CRHR1: variants seen among roughly 807,000 people sequenced by gnomAD.
CRHR1 encodes corticotropin releasing hormone receptor 1.
Under a neutral mutation model 56.0 loss-of-function variants are expected in CRHR1, and 28 were observed. That is an observed-to-expected ratio of 0.50 (90% CI 0.37 to 0.69). CRHR1 has a LOEUF of 0.69. Among genes scored for constraint, CRHR1 ranks in the 30% least tolerant of loss-of-function variants. The pLI is 0.00. For missense variants in CRHR1, 376 were observed against 548.0 expected (o/e 0.69, Z 3.13); for synonymous variants, 195 against 216.5 (o/e 0.90, Z 0.87).
At chr17:45,807,156 AG>A (rs2061736101) in intron 2 of CRHR1, 59 bp downstream of exon 2, 1 of 1,471,754 alleles carries the variant, frequency 6.8e-7, no homozygotes, top group Non-Finnish European at 9.5e-7. Context: ...CCCCTACCCC[AG>A]GTATCCCAGA....
Position 45,834,815 on chromosome 17 carries a change from G to T in CRHR1, c.*51G>T, listed in dbSNP as rs1291619592. The T allele has an allele frequency of 6.2e-7, 1 of 1,608,758 alleles. No homozygotes were observed. ...AAAGAGCTGTGGCTGGGGGGATGAC[G>T]GCCAGGCTCCCTGACCACCCTGCCT... On this transcript the variant is annotated 3_prime_UTR_variant, in exon 13 of 13. Coordinates refer to ENST00000314537, the MANE Select transcript of CRHR1 (RefSeq NM_004382.5).
chr17:45,814,095 G>A (rs1283292154), intron 2 of CRHR1, among the ~76,000 whole-genome samples: 1 of 152,256 alleles, frequency 6.6e-6, no homozygotes, highest in African/African-American at 2.4e-5. Flanking sequence ...GACTGGCCGG[G>A]GAAGGGAAGA....
chr17:45,830,566 C>G lies in CRHR1; in HGVS notation c.705C>G (p.Gly235=). The part of the protein sequence containing the change: ...RLRKWMFICI[G]WGVPFPIIVA... ...GCAAATGGATGTTCATCTGCATTGGCTGGGGTGAGCTGGGCAGCCACCTCC... is the reference window on the plus strand; with the variant it reads ...GCAAATGGATGTTCATCTGCATTGGGTGGGGTGAGCTGGGCAGCCACCTCC... The change falls in exon 7 of 13, where the codon GGC becomes GGG. Residue 235 remains glycine (G), a synonymous_variant. Coordinates refer to ENST00000314537, the MANE Select transcript of CRHR1 (RefSeq NM_004382.5). The G allele has an allele frequency of 6.2e-7, 1 of 1,604,240 alleles. No individual in the cohort carries two copies. Among genetic ancestry groups the G allele is most frequent in the Non-Finnish European group, 8.5e-7 (1 of 1,174,604 alleles).
In CRHR1 at chr17:45,830,698, C is replaced by CGATAGCCCTCTGCTCCTCTG. The variant is rs2062286014; in HGVS notation, c.709+147_709+148insGGATAGCCCTCTGCTCCTCT. On this transcript the variant is annotated intron_variant, in intron 7 of 12. Coordinates refer to ENST00000314537, the MANE Select transcript of CRHR1 (RefSeq NM_004382.5). ...TCGGGTTGGGGCGGTAAGGTGTGCACGATAGCCCTCTGCTCCTCTTGGGGG... is the reference window on the plus strand; with the variant it reads ...TCGGGTTGGGGCGGTAAGGTGTGCACGATAGCCCTCTGCTCCTCTGGATAGCCCTCTGCTCCTCTTGGGGG... The CGATAGCCCTCTGCTCCTCTG allele has an allele frequency of 1.0e-4, 131 of 1,281,538 alleles. 4 individuals carry two copies. The South Asian group carries it at 1.8e-3, about 17-fold the overall frequency. The allele number at this position is 1,281,538 out of a possible 1,614,324, so 79.4% of individuals were successfully genotyped here.
intron 2 of CRHR1, among the ~76,000 whole-genome samples, chr17:45,808,967 T>A (rs1568045723): frequency 6.6e-6 from 1 of 152,154 alleles, no homozygotes; most frequent in Non-Finnish European, 1.5e-5. Context: ...ATAGCTGGAA[T>A]GAAGGGAAGG....
At chr17:45,815,600 G>T (rs1260318294) in intron 2 of CRHR1, among the ~76,000 whole-genome samples, 1 of 152,148 alleles carries the variant, frequency 6.6e-6, no homozygotes, top group Non-Finnish European at 1.5e-5. Context: ...TACATTCAGG[G>T]TCTCTGTGAA....
intron 1 of CRHR1, among the ~76,000 whole-genome samples, chr17:45,804,860 G>C (rs1276017959): frequency 6.6e-6 from 1 of 151,682 alleles, no homozygotes; most frequent in Non-Finnish European, 1.5e-5. Context: ...TATCGCCCAG[G>C]CTGGAGTGCA....
intron 1 of CRHR1, chr17:45,799,502 G>C (rs1352822009): frequency 6.6e-6 from 1 of 152,128 alleles, no homozygotes; most frequent in Non-Finnish European, 1.5e-5. Context: ...CTTAAAATAG[G>C]CTCCACCTGA....
intron 7 of CRHR1, 119 bp downstream of exon 7, chr17:45,830,689 AG>A: frequency 7.4e-7 from 1 of 1,349,096 alleles, no homozygotes; most frequent in Non-Finnish European, 1.0e-6. Context: ...TGGGGCGGTA[AG>A]GTGTGCACGA....
At chr17:45,792,686 G>A (rs1337265462) in intron 1 of CRHR1, among the ~76,000 whole-genome samples, 3 of 152,176 alleles carry the variant, frequency 2.0e-5, no homozygotes, top group African/African-American at 4.8e-5. Context: ...CTCACTGGTT[G>A]TTCCTTTGTT....
chr17:45,798,819 C>G (rs1490129917), intron 1 of CRHR1, among the ~76,000 whole-genome samples: 3 of 152,228 alleles, frequency 2.0e-5, no homozygotes, highest in Non-Finnish European at 2.9e-5. Flanking sequence ...GGCTTCCCCC[C>G]TCCCTTAACT....
chr17:45,833,663 C>T, intron 10 of CRHR1, 51 bp from the exon 11 acceptor site: 2 of 1,605,716 alleles, frequency 1.2e-6, no homozygotes, highest in Non-Finnish European at 1.7e-6. Flanking sequence ...AGCGGGCAGC[C>T]CGTCCTGGGG....
intron 3 of CRHR1, among the ~76,000 whole-genome samples, chr17:45,818,242 C>T (rs2061968333): frequency 6.6e-6 from 1 of 152,226 alleles, no homozygotes. Flanking sequence ...CGTGTTCAGG[C>T]TGCTGGGTGG....
At chr17:45,817,343 G>T (rs1249907929) in intron 3 of CRHR1, among the ~76,000 whole-genome samples, 3 of 152,204 alleles carry the variant, frequency 2.0e-5, no homozygotes. Context: ...GGGAGGCTGG[G>T]GGCCTGATCC....
At chr17:45,829,653 T>C in intron 5 of CRHR1, 2 of 1,550,460 alleles carry the variant, frequency 1.3e-6, no homozygotes, top group Non-Finnish European at 1.7e-6. Context: ...CGAAGGTACC[T>C]GGGCCCCAGC....
intron 1 of CRHR1, among the ~76,000 whole-genome samples, chr17:45,789,775 G>A (rs1326711912): frequency 6.6e-6 from 1 of 152,184 alleles, no homozygotes; most frequent in African/African-American, 2.4e-5. Context: ...GTATGGGTGG[G>A]AACAGCAGAT....
At chr17:45,821,287 C>G (rs1375710578) in intron 3 of CRHR1, 68 bp from the exon 4 acceptor site, 9 of 1,422,786 alleles carry the variant, frequency 6.3e-6, no homozygotes, top group Non-Finnish European at 8.9e-6. Context: ...ACGCATCCAT[C>G]TGGGCCAGGA....
chr17:45,825,092 C>G (rs1478406462), intron 4 of CRHR1, among the ~76,000 whole-genome samples: 2 of 152,220 alleles, frequency 1.3e-5, no homozygotes, highest in African/African-American at 4.8e-5. Flanking sequence ...AGGAAAGTAT[C>G]CAATTAATTG....
chr17:45,785,348 AAGGGC>A (rs2061316844), intron 1 of CRHR1, among the ~76,000 whole-genome samples: 1 of 152,206 alleles, frequency 6.6e-6, no homozygotes, highest in Non-Finnish European at 1.5e-5. Context: ...TGAGCCAGGG[AAGGGC>A]CGGGAGGCCG....
Sources: gnomAD v4.1 joint callset for allele counts (sites outside exome capture counted in the v4.1 genomes callset) on GRCh38, gnomAD v4.1.1 for gene constraint, MANE v1.5 for transcripts, NCBI Gene and HGNC (gene_info 2026-07-23, HGNC 2026-07-21) for gene names.